MAGI3: variants seen among roughly 807,000 people sequenced by gnomAD.
The protein encoded by MAGI3 is membrane-associated guanylate kinase, WW and PDZ domain-containing protein 3.
In MAGI3, 43 loss-of-function variants were observed where a neutral mutation model predicts 121.8. The ratio of observed to expected loss-of-function variants is 0.35; its 90% CI spans 0.28 to 0.46. The LOEUF (loss-of-function observed/expected upper bound fraction) is 0.46. Among genes scored for constraint, MAGI3 ranks in the 20% least tolerant of loss-of-function variants. The pLI is 1.00. For missense variants in MAGI3, 1,547 were observed against 1,797.3 expected, an observed-to-expected ratio of 0.86 and a Z score of 2.52; for synonymous variants, 553 against 639.3, an observed-to-expected ratio of 0.86 and a Z score of 2.04.
intron 7 of MAGI3, among the ~76,000 whole-genome samples, chr1:113,616,281 C>T (rs1650457508): frequency 6.6e-6 from 1 of 152,166 alleles, no homozygotes; most frequent in Non-Finnish European, 1.5e-5. Flanking sequence ...GCTCATTTTA[C>T]AGGAGGGTTT....
rs1055837019 is a variant in MAGI3 at position 113,422,567 on chromosome 1, G to A, written c.316+31218G>A. Among the ~76,000 whole-genome samples, 9 of 152,238 alleles carry A rather than the reference G, an allele frequency of 5.9e-5. No individual in the cohort carries two copies. Among genetic ancestry groups the A allele is most frequent in the South Asian group, 2.1e-4 (1 of 4,834 alleles). ...CACAGACAGGCATGCCAGCTGCTGC[G>A]GGGCAGGGTGGCGGGGCAGGCAGCT... On this transcript the variant is annotated intron_variant, in intron 1 of 20. Transcript: ENST00000307546. The surrounding 1 kb of genome is among the most constrained non-coding windows in gnomAD (Gnocchi z 4.3).
At chr1:113,400,366 A>G (rs1651337542) in intron 1 of MAGI3, among the ~76,000 whole-genome samples, 1 of 152,108 alleles carries the variant, frequency 6.6e-6, no homozygotes, top group African/African-American at 2.4e-5. Flanking sequence ...AGTTTTGCCA[A>G]GTGTCATCTG....
At chr1:113,458,113 T>C (rs1179965180) in intron 1 of MAGI3, among the ~76,000 whole-genome samples, 2 of 152,182 alleles carry the variant, frequency 1.3e-5, no homozygotes, top group Admixed American at 1.3e-4. Flanking sequence ...TTTGTTTGTT[T>C]TTCAAAGTGA....
At chr1:113,604,565 C>CAAAAAAAAAAAAAAAAA (rs59047770) in intron 6 of MAGI3, among the ~76,000 whole-genome samples, 1 of 62,008 alleles carries the variant, frequency 1.6e-5, no homozygotes, top group African/African-American at 6.7e-5. Flanking sequence ...GTCTCCATCT[C>CAAAAAAAAAAAAAAAAA]AAAAAAAAAA....
chr1:113,661,075 A>G (rs773282333), intron 16 of MAGI3, among the ~76,000 whole-genome samples: 2 of 152,238 alleles, frequency 1.3e-5, no homozygotes, highest in African/African-American at 2.4e-5. Context: ...AGCTAGTTAC[A>G]TGACAAAAAA....
intron 14 of MAGI3, among the ~76,000 whole-genome samples, chr1:113,652,031 G>A (rs1171186736): frequency 6.6e-6 from 1 of 152,128 alleles, no homozygotes; most frequent in African/African-American, 2.4e-5. Context: ...TCATTATCTA[G>A]TTCTATGATT....
chr1:113,612,643 ACTTGCTAATGGTATC>A (rs1042719525), intron 6 of MAGI3, among the ~76,000 whole-genome samples: 2 of 151,728 alleles, frequency 1.3e-5, no homozygotes, highest in African/African-American at 4.8e-5. Context: ...AACAAAAAAA[ACTTGCTAATGGTATC>A]AGTGGTAAAG....
rs561701800 is a variant in MAGI3, at chr1:113,474,535, T to C, written c.317-74980T>C. 2.0e-5 allele frequency among the ~76,000 whole-genome samples: 3 copies of C among 152,308 alleles called. No homozygotes were observed. The East Asian group carries it at 5.8e-4, about 29-fold the overall frequency. On this transcript the variant is annotated intron_variant, in intron 1 of 20. Coordinates refer to ENST00000307546, the MANE Select transcript of MAGI3 (RefSeq NM_001142782.2). Reference sequence around the variant, plus strand: ...TTACATAGGGAATCCTATCCCCATTTCTTGTTTTTGTCAGGTTTGTCAAAG... The same window carrying C: ...TTACATAGGGAATCCTATCCCCATTCCTTGTTTTTGTCAGGTTTGTCAAAG...
intron 7 of MAGI3, among the ~76,000 whole-genome samples, chr1:113,616,969 C>T (rs953401678): frequency 3.3e-5 from 5 of 151,760 alleles, no homozygotes. Flanking sequence ...CTGCAACCTC[C>T]GCCTTCTGCC....
intron 2 of MAGI3, among the ~76,000 whole-genome samples, chr1:113,572,597 C>T (rs544878899): frequency 1.2e-4 from 18 of 152,206 alleles, no homozygotes; most frequent in South Asian, 4.1e-4. Flanking sequence ...TTCAGGAGTT[C>T]GACTTCTTCC....
At chr1:113,576,248 T>C (rs925948937) in intron 2 of MAGI3, among the ~76,000 whole-genome samples, 1 of 152,210 alleles carries the variant, frequency 6.6e-6, no homozygotes, top group Non-Finnish European at 1.5e-5. Context: ...GCTAGCTCAA[T>C]GTCTGCCCAA....
chr1:113,521,597 G>A (rs934588419), intron 1 of MAGI3, among the ~76,000 whole-genome samples: 2 of 151,198 alleles, frequency 1.3e-5, no homozygotes, highest in Admixed American at 1.3e-4. Flanking sequence ...TAGTAGAGAC[G>A]GGGTTTCACC....
chr1:113,485,374 C>T (rs962516044), intron 1 of MAGI3, among the ~76,000 whole-genome samples: 5 of 152,080 alleles, frequency 3.3e-5, no homozygotes, highest in South Asian at 2.1e-4. Flanking sequence ...AGTGATGTCA[C>T]GTTGTGGTTT....
chr1:113,464,189 A>G lies in MAGI3; in HGVS notation c.316+72840A>G, dbSNP rs950927957. Among the ~76,000 whole-genome samples the G allele has an allele frequency of 3.6e-4, 55 of 151,772 alleles. 5 individuals are homozygous for G. The highest frequency in any genetic ancestry group is 6.6e-5 in the Admixed American group (1 of 15,218). ...ACTTCCTGGCCTCTGTTAACCACCA[A>G]TCTACTGTATCTTTATGAGATCCAC... is the stretch of plus-strand genomic sequence containing the variant. On this transcript the variant is annotated intron_variant, in intron 1 of 20. Coordinates refer to ENST00000307546, the MANE Select transcript of MAGI3 (RefSeq NM_001142782.2).
chr1:113,425,972 C>G (rs1345182587), intron 1 of MAGI3, among the ~76,000 whole-genome samples: 5 of 151,226 alleles, frequency 3.3e-5, no homozygotes, highest in Non-Finnish European at 1.5e-5. Flanking sequence ...TCTTCTTTTT[C>G]TAGTTTCTTG....
chr1:113,672,787 A>G (rs1398875605), intron 18 of MAGI3, 46 bp downstream of exon 18: 2 of 1,569,878 alleles, frequency 1.3e-6, no homozygotes, highest in Non-Finnish European at 1.7e-6. Flanking sequence ...TTGAGTTGCC[A>G]TACCACTGGC....
chr1:113,635,932 A>G (rs573464648), intron 9 of MAGI3, among the ~76,000 whole-genome samples: 68 of 152,184 alleles, frequency 4.5e-4, no homozygotes, highest in Admixed American at 9.2e-4. Context: ...CAGAGATTCA[A>G]CTTCTTCCTG....
intron 1 of MAGI3, among the ~76,000 whole-genome samples, chr1:113,527,270 C>A (rs1570803151): frequency 6.6e-6 from 1 of 152,042 alleles, no homozygotes; most frequent in South Asian, 2.1e-4. Context: ...AGGTCTGATG[C>A]ATTCACATTT....
intron 1 of MAGI3, chr1:113,404,338 T>C (rs573359123): frequency 6.6e-6 from 1 of 152,314 alleles, no homozygotes; most frequent in South Asian, 2.1e-4. Flanking sequence ...GTGAGTTGGC[T>C]GTATTCTTTT....
Sources: allele counts gnomAD v4.1 joint callset (sites outside exome capture counted in the v4.1 genomes callset), GRCh38; gene constraint gnomAD v4.1.1; non-coding constraint Gnocchi (gnomAD v3.1); transcripts MANE v1.5; gene names NCBI Gene and HGNC (gene_info 2026-07-23, HGNC 2026-07-21).